The following RHOBTB2 variants were observed in gnomAD, a reference collection of about 807,000 sequenced individuals.
RHOBTB2 encodes rho-related BTB domain-containing protein 2.
Under a neutral mutation model 66.5 loss-of-function variants are expected in RHOBTB2, and 39 were observed. The ratio of observed to expected loss-of-function variants is 0.59; its 90% CI spans 0.45 to 0.77. The LOEUF (loss-of-function observed/expected upper bound fraction) is 0.77. Among genes scored for constraint, RHOBTB2 ranks in the 30% least tolerant of loss-of-function variants. The pLI is 0.00. For synonymous variants in RHOBTB2, 390 were observed against 395.0 expected (o/e 0.99, Z 0.15); for missense variants, 755 against 999.1 (o/e 0.76, Z 3.29).
intron 5 of RHOBTB2, 114 bp from the exon 6 acceptor site, chr8:23,007,879 G>C (rs1239490520): frequency 7.8e-5 from 116 of 1,487,270 alleles, no homozygotes; most frequent in Non-Finnish European, 1.0e-4. Flanking sequence ...GCTGGGAGCG[G>C]GTTTGTTCCG....
intron 7 of RHOBTB2, among the ~76,000 whole-genome samples, chr8:23,013,878 C>G (rs903516817): frequency 5.9e-5 from 9 of 152,210 alleles, no homozygotes; most frequent in Admixed American, 2.0e-4. Flanking sequence ...GTTATCCTTG[C>G]TGAAGCTCAA....
chr8:22,968,609 A>G, the RHOBTB2 span, among the ~76,000 whole-genome samples: 21 of 152,244 alleles, frequency 1.4e-4, no homozygotes, highest in Admixed American at 1.1e-3. Flanking sequence ...ATTATGCCTT[A>G]TTAATAGTTT....
chr8:22,994,955 G>A (rs1200492322), upstream of RHOBTB2, among the ~76,000 whole-genome samples: 1 of 152,088 alleles, frequency 6.6e-6, no homozygotes, highest in African/African-American at 2.4e-5. Context: ...TAGTAGAGAA[G>A]GGGACTCACC....
the RHOBTB2 span, among the ~76,000 whole-genome samples, chr8:22,969,449 T>A: frequency 6.6e-6 from 1 of 152,108 alleles, no homozygotes; most frequent in Non-Finnish European, 1.5e-5. Flanking sequence ...AGAACAAAAG[T>A]AGCTTTCCAC....
upstream of RHOBTB2, among the ~76,000 whole-genome samples, chr8:22,983,786 G>C (rs1810249715): frequency 6.6e-6 from 1 of 151,996 alleles, no homozygotes; most frequent in African/African-American, 2.4e-5. Context: ...CCAGGCTGGA[G>C]TGCAGTGGCG....
At chr8:22,998,724 CAAAAAAAA>C (rs555614764), upstream of RHOBTB2, among the ~76,000 whole-genome samples, 20 of 81,308 alleles carry the variant, frequency 2.5e-4, no homozygotes, top group Non-Finnish European at 4.2e-4. Context: ...GAGGGAGACT[CAAAAAAAA>C]AAAAAAAAAA....
the RHOBTB2 span, among the ~76,000 whole-genome samples, chr8:22,970,708 C>T: frequency 6.6e-6 from 1 of 152,112 alleles, no homozygotes; most frequent in Non-Finnish European, 1.5e-5. Flanking sequence ...GATCCTCCCT[C>T]AGTCTCCCAA....
At chr8:22,954,870 G>A in the RHOBTB2 span, among the ~76,000 whole-genome samples, 2 of 152,300 alleles carry the variant, frequency 1.3e-5, no homozygotes, top group East Asian at 1.9e-4. Flanking sequence ...GGTGGCTCAC[G>A]CCTGTAATCC....
rs1288256749 is a variant in RHOBTB2 at position 22,999,581 on chromosome 8, T to A, written c.-535T>A. On this transcript the variant is annotated 5_prime_UTR_variant, in exon 1 of 10. Coordinates refer to ENST00000251822, the MANE Select transcript of RHOBTB2 (RefSeq NM_015178.3). Reference sequence around the variant, plus strand: ...TCACGGCTGTCGTCTTGGGTGCGATTTTTTTCTCCTCCTTTTTTTACCCTC... The same window carrying A: ...TCACGGCTGTCGTCTTGGGTGCGATATTTTTCTCCTCCTTTTTTTACCCTC... 1.1e-5 allele frequency: 14 copies of A among 1,224,674 alleles called. No individual in the cohort carries two copies. The East Asian group carries it at 9.7e-4, about 85-fold the overall frequency. 75.9% of individuals were successfully genotyped at this position (1,224,674 alleles called of 1,614,324 possible).
chr8:23,011,045 C>G (rs893355024), intron 7 of RHOBTB2, among the ~76,000 whole-genome samples: 9 of 152,208 alleles, frequency 5.9e-5, no homozygotes, highest in Non-Finnish European at 1.3e-4. Context: ...GCCTAGCCAA[C>G]ATGGTCTTAC....
At chr8:22,995,799 G>A, upstream of RHOBTB2, 1 of 1,530,584 alleles carries the variant, frequency 6.5e-7, no homozygotes, top group East Asian at 2.4e-5. Flanking sequence ...CAGGGGATGG[G>A]GGGCGGAGCT....
upstream of RHOBTB2, among the ~76,000 whole-genome samples, chr8:22,983,463 C>T (rs972177970): frequency 1.4e-5 from 2 of 141,240 alleles, no homozygotes; most frequent in Non-Finnish European, 3.1e-5. Context: ...TATGGCTGGG[C>T]AACAAAGTGA....
chr8:23,006,462 C>T lies in RHOBTB2; in HGVS notation c.483-266C>T, dbSNP rs1377833099. On this transcript the variant is annotated intron_variant, in intron 4 of 9. Transcript: ENST00000251822. This position sits in a 1 kb window ranked among gnomAD's most constrained non-coding sequence, Gnocchi z 6.1. ...TGTTAAATACCCATGTGAAGCATTG[C>T]CTGCTAATTGCCAGAGAGGCAGTGC... is the stretch of plus-strand genomic sequence containing the variant. The T allele has an allele frequency of 5.3e-6, 3 of 563,008 alleles. No individual in the cohort carries two copies. The African/African-American group carries it at 5.6e-5, about 11-fold the overall frequency. 34.9% of individuals were successfully genotyped at this position (563,008 alleles called of 1,614,324 possible).
rs373571501 is a variant in RHOBTB2, at chr8:23,010,509, T to C, written c.1621-29T>C. On this transcript the variant is annotated intron_variant, in intron 6 of 9. Coordinates refer to ENST00000251822, the MANE Select transcript of RHOBTB2 (RefSeq NM_015178.3). ...CATCTTCTCCTAAGCAGGATCTCATTGCTGTCCGCTCACTCCTTCCCTCCC... is the reference window on the plus strand; with the variant it reads ...CATCTTCTCCTAAGCAGGATCTCATCGCTGTCCGCTCACTCCTTCCCTCCC... 85 of 1,601,670 alleles carry C rather than the reference T, an allele frequency of 5.3e-5. No homozygotes were observed. The African/African-American group carries it at 8.6e-4, about 16-fold the overall frequency.
chr8:22,995,670 A>G (rs1251608261), upstream of RHOBTB2, among the ~76,000 whole-genome samples: 2 of 152,216 alleles, frequency 1.3e-5, no homozygotes, highest in Non-Finnish European at 2.9e-5. Context: ...TTCCAGATTC[A>G]GCTCCTTCAC....
chr8:22,978,219 A>G, the RHOBTB2 span: 2 of 152,254 alleles, frequency 1.3e-5, no homozygotes, highest in Non-Finnish European at 2.9e-5. Context: ...CATGATGTCT[A>G]CAAGTTATTT....
chr8:22,974,002 C>A, the RHOBTB2 span, among the ~76,000 whole-genome samples: 1 of 150,034 alleles, frequency 6.7e-6, no homozygotes, highest in Non-Finnish European at 1.5e-5. Flanking sequence ...CCGGGGCTCC[C>A]AGCCAGCTCC....
chr8:22,970,586 G>C, the RHOBTB2 span, among the ~76,000 whole-genome samples: 1 of 149,702 alleles, frequency 6.7e-6, no homozygotes, highest in Admixed American at 6.6e-5. Context: ...CTGGGTCACA[G>C]GGCAAGACTC....
At chr8:22,974,090 G>C in the RHOBTB2 span, among the ~76,000 whole-genome samples, 1 of 152,150 alleles carries the variant, frequency 6.6e-6, no homozygotes, top group Non-Finnish European at 1.5e-5. Flanking sequence ...TTGCTGTCCA[G>C]AACGGGCCCA....
Sources: gnomAD v4.1 joint callset for allele counts (sites outside exome capture counted in the v4.1 genomes callset) on GRCh38, gnomAD v4.1.1 for gene constraint, Gnocchi (gnomAD v3.1) non-coding constraint, MANE v1.5 for transcripts, NCBI Gene and HGNC (gene_info 2026-07-23, HGNC 2026-07-21) for gene names.